Variants in SLC14A2 observed in about 807,000 individuals in gnomAD.
SLC14A2 encodes the protein solute carrier family 14 member 2.
A neutral mutation model predicts 104.6 loss-of-function variants in SLC14A2; 91 were observed. The observed-to-expected ratio is 0.87, with a 90% CI of 0.73 to 1.04. The LOEUF is 1.04. Among genes scored for constraint, SLC14A2 ranks in the 50% least tolerant of loss-of-function variants. The pLI, the probability that SLC14A2 is intolerant of heterozygous loss-of-function variation, is 0.00. For synonymous variants in SLC14A2, 476 were observed against 466.4 expected (o/e 1.02, Z -0.27); for missense variants, 1,189 against 1,156.0 (o/e 1.03, Z -0.41).
intron 2 of SLC14A2, among the ~76,000 whole-genome samples, chr18:45,499,414 AT>A (rs2043155305): frequency 6.6e-6 from 1 of 152,248 alleles, no homozygotes; most frequent in African/African-American, 2.4e-5. Context: ...CAGAGGTGCT[AT>A]AATAGAATAA....
chr18:45,502,421 C>A (rs753091090), intron 2 of SLC14A2, among the ~76,000 whole-genome samples: 1 of 152,192 alleles, frequency 6.6e-6, no homozygotes, highest in Non-Finnish European at 1.5e-5. Context: ...ACCTGGCATG[C>A]TGTAGGTGTT....
At chr18:45,470,300 TG>T (rs2087223554) in intron 1 of SLC14A2, among the ~76,000 whole-genome samples, 1 of 152,228 alleles carries the variant, frequency 6.6e-6, no homozygotes, top group Non-Finnish European at 1.5e-5. Flanking sequence ...TTTGCTTGCT[TG>T]CCTTTTTCCT....
chr18:45,672,529 C>CA (rs34358333), intron 16 of SLC14A2, among the ~76,000 whole-genome samples: 7,775 of 128,550 alleles, frequency 0.06, 542 homozygotes, highest in African/African-American at 0.19. Context: ...AACTCCATCT[C>CA]AAAAAAAAAA....
chr18:45,376,925 A>G (rs1454562682), intron 1 of SLC14A2, among the ~76,000 whole-genome samples: 1 of 152,176 alleles, frequency 6.6e-6, no homozygotes, highest in Non-Finnish European at 1.5e-5. Context: ...CTTCCTAAAA[A>G]TAGGTCCTTT....
intron 1 of SLC14A2, among the ~76,000 whole-genome samples, chr18:45,280,925 C>T (rs2084756055): frequency 6.6e-6 from 1 of 152,038 alleles, no homozygotes; most frequent in Non-Finnish European, 1.5e-5. Context: ...TTTCTCTCTC[C>T]TCCCTCCACT....
chr18:45,590,523 T>C (rs748465534), intron 2 of SLC14A2, among the ~76,000 whole-genome samples: 2 of 152,170 alleles, frequency 1.3e-5, no homozygotes, highest in East Asian at 3.9e-4. Context: ...CCACAGGACA[T>C]GGGCAATTGC....
intron 2 of SLC14A2, among the ~76,000 whole-genome samples, chr18:45,573,368 T>A (rs761582128): frequency 1.9e-4 from 29 of 150,676 alleles, no homozygotes; most frequent in Non-Finnish European, 4.2e-4. Context: ...CCAGAAGAGA[T>A]GTTAGAGATG....
rs117024740 is a variant in SLC14A2, at chr18:45,314,061, G to C, written c.-125+100870G>C. On this transcript the variant is annotated intron_variant, in intron 1 of 20. Transcript: ENST00000586448. ...TCTTTCCAGTGACAAGCACAGGCCT[G>C]ACACAGTGTGTCTTGAATATGTGCC... 8.1e-3 allele frequency among the ~76,000 whole-genome samples: 1,228 copies of C among 152,324 alleles called. 9 individuals carry two copies. Among genetic ancestry groups the C allele is most frequent in the Non-Finnish European group, 0.013 (893 of 68,030 alleles).
chr18:45,482,979 G>A (rs1307735151), intron 1 of SLC14A2, among the ~76,000 whole-genome samples: 2 of 152,110 alleles, frequency 1.3e-5, no homozygotes, highest in Non-Finnish European at 2.9e-5. Context: ...AACTAAGACC[G>A]ATAGAAAATA....
At chr18:45,548,022 C>T (rs1400181652) in intron 2 of SLC14A2, among the ~76,000 whole-genome samples, 1 of 152,154 alleles carries the variant, frequency 6.6e-6, no homozygotes, top group East Asian at 1.9e-4. Flanking sequence ...AAATCAATTA[C>T]TCAAAACATT....
At chr18:45,263,832 C>T (rs1199552541) in intron 1 of SLC14A2, among the ~76,000 whole-genome samples, 3 of 152,146 alleles carry the variant, frequency 2.0e-5, no homozygotes, top group African/African-American at 7.2e-5. Flanking sequence ...GTTCCAGGAT[C>T]ATTTTGTATT....
At chr18:45,580,882 G>A (rs2044481172) in intron 2 of SLC14A2, among the ~76,000 whole-genome samples, 2 of 152,170 alleles carry the variant, frequency 1.3e-5, no homozygotes, top group African/African-American at 4.8e-5. Context: ...ACATTTGCAG[G>A]TGAAGAGGAA....
At chr18:45,378,466 T>A (rs2144372986) in intron 1 of SLC14A2, among the ~76,000 whole-genome samples, 1 of 152,322 alleles carries the variant, frequency 6.6e-6, no homozygotes, top group South Asian at 2.1e-4. Flanking sequence ...AGTAGTTTTT[T>A]CTTTACAACT....
At chr18:45,604,668 G>A (rs1412558050) in intron 2 of SLC14A2, among the ~76,000 whole-genome samples, 1 of 152,052 alleles carries the variant, frequency 6.6e-6, no homozygotes, top group Non-Finnish European at 1.5e-5. Context: ...AATATTTTTG[G>A]GCAGTCACCC....
intron 19 of SLC14A2, 110 bp from the exon 20 acceptor site, chr18:45,682,209 C>G: frequency 1.1e-6 from 1 of 872,844 alleles, no homozygotes; most frequent in Non-Finnish European, 1.9e-6. Flanking sequence ...AGTATCAATG[C>G]CCTCAAAGCA....
At chr18:45,341,388 G>C (rs922646488) in intron 1 of SLC14A2, among the ~76,000 whole-genome samples, 2 of 152,132 alleles carry the variant, frequency 1.3e-5, no homozygotes, top group Admixed American at 1.3e-4. Context: ...GCACAGAGTG[G>C]TGAAAAATTA....
chr18:45,218,813 A>G lies in SLC14A2; in HGVS notation c.-125+5622A>G, dbSNP rs548548193. ...GAAAGCAGTATGGAAGGTCAAATCG[A>G]TTTGTGAGTGTAGCTTTCAGTAGCA... is the stretch of plus-strand genomic sequence containing the variant. On this transcript the variant is annotated intron_variant, in intron 1 of 20. Coordinates refer to the SLC14A2 transcript ENST00000586448. Among the ~76,000 whole-genome samples the G allele has an allele frequency of 1.1e-4, 16 of 151,848 alleles. No homozygotes were observed. The East Asian group carries it at 1.6e-3, about 15-fold the overall frequency.
chr18:45,331,675 A>G (rs2144261852), intron 1 of SLC14A2, among the ~76,000 whole-genome samples: 1 of 151,346 alleles, frequency 6.6e-6, no homozygotes, highest in East Asian at 1.9e-4. Context: ...TGGGTGACAG[A>G]GCGAGACTCC....
intron 2 of SLC14A2, 135 bp from the exon 3 acceptor site, chr18:45,625,548 C>A (rs533474941): frequency 3.2e-6 from 2 of 618,988 alleles, no homozygotes; most frequent in Non-Finnish European, 5.2e-6. Context: ...CAGCCGCAGA[C>A]AATGGGCATG....
Sources: gnomAD v4.1 joint callset for allele counts (sites outside exome capture counted in the v4.1 genomes callset) on GRCh38, gnomAD v4.1.1 for gene constraint, MANE v1.5 for transcripts, NCBI Gene and HGNC (gene_info 2026-07-23, HGNC 2026-07-21) for gene names.